Variants in PTCHD4 observed in about 807,000 individuals in gnomAD.
PTCHD4 encodes the protein patched domain containing 4, also known as patched domain-containing protein 4.
PTCHD4 carries 33 observed loss-of-function variants against 58.1 expected under a neutral mutation model. That is an observed-to-expected ratio of 0.57 (90% CI 0.43 to 0.76). PTCHD4 has a LOEUF of 0.76. Among genes scored for constraint, PTCHD4 ranks in the 30% least tolerant of loss-of-function variants. The pLI, the probability that PTCHD4 is intolerant of heterozygous loss-of-function variation, is 0.00. For missense variants in PTCHD4, 1,058 were observed against 1,027.1 expected, an observed-to-expected ratio of 1.03 and a Z score of -0.41; for synonymous variants, 478 against 409.6, an observed-to-expected ratio of 1.17 and a Z score of -2.02.
At chr6:47,990,617 C>T (rs1768248696) in intron 4 of PTCHD4, among the ~76,000 whole-genome samples, 1 of 152,166 alleles carries the variant, frequency 6.6e-6, no homozygotes, top group African/African-American at 2.4e-5. Flanking sequence ...CCTTTTCCCT[C>T]CCACCATGAT....
chr6:48,094,422 G>A (rs1765422692), intron 1 of PTCHD4, among the ~76,000 whole-genome samples: 1 of 152,168 alleles, frequency 6.6e-6, no homozygotes, highest in East Asian at 1.9e-4. Context: ...AGAGGATACA[G>A]GGTTACATTA....
Position 47,864,861 on chromosome 6 carries a change from A to G in PTCHD4, c.*13442T>C, listed in dbSNP as rs544761625. ...CTATGTGTAAGGATATGTTGTGAAA[A>G]TTACATTTTACATATATATCCATCT... On this transcript the variant is annotated 3_prime_UTR_variant, in exon 5 of 5. Coordinates refer to ENST00000339488, the MANE Select transcript of PTCHD4 (RefSeq NM_001384253.1). 1.1e-4 allele frequency among the ~76,000 whole-genome samples: 17 copies of G among 152,090 alleles called. No individual in the cohort carries two copies. The South Asian group carries it at 3.3e-3, about 30-fold the overall frequency.
intron 4 of PTCHD4, among the ~76,000 whole-genome samples, chr6:47,935,003 G>A (rs1765950151): frequency 6.6e-6 from 1 of 152,044 alleles, no homozygotes; most frequent in South Asian, 2.1e-4. Flanking sequence ...TAACAAAATA[G>A]GGTTGAAAAA....
intron 3 of PTCHD4, among the ~76,000 whole-genome samples, chr6:48,060,827 C>T (rs1419419565): frequency 1.3e-5 from 2 of 152,172 alleles, no homozygotes; most frequent in Non-Finnish European, 2.9e-5. Flanking sequence ...GAGGTCTCTC[C>T]ATGTTGGGAG....
Position 48,054,609 on chromosome 6 carries a change from A to G in PTCHD4, c.417+13621T>C, listed in dbSNP as rs538043688. Among the ~76,000 whole-genome samples the G allele has an allele frequency of 1.7e-4, 26 of 152,300 alleles. 1 individual carries two copies. The highest frequency in any genetic ancestry group is 6.3e-4 in the African/African-American group (26 of 41,588). On this transcript the variant is annotated intron_variant, in intron 3 of 4. Transcript: ENST00000339488. ...TTCAGTCCCAAAACACTGCCCCAGA[A>G]GTATTCTAAAGTTACCAATAAATGG...
At chr6:48,108,942 G>T (rs1765805206) in intron 1 of PTCHD4, among the ~76,000 whole-genome samples, 1 of 151,798 alleles carries the variant, frequency 6.6e-6, no homozygotes. Context: ...AAAGAAACAG[G>T]ACATAATTAC....
At chr6:47,949,229 G>A (rs1045043688) in intron 4 of PTCHD4, among the ~76,000 whole-genome samples, 5 of 152,144 alleles carry the variant, frequency 3.3e-5, no homozygotes, top group African/African-American at 9.7e-5. Flanking sequence ...TTGGATTGAT[G>A]AGTTGGAAGC....
chr6:47,956,744 T>C (rs1766877913), intron 4 of PTCHD4, among the ~76,000 whole-genome samples: 1 of 152,162 alleles, frequency 6.6e-6, no homozygotes. Context: ...AGAGTATGGT[T>C]TTTAAAAGCT....
intron 1 of PTCHD4, among the ~76,000 whole-genome samples, chr6:48,095,786 A>G (rs938008452): frequency 2.6e-5 from 4 of 151,426 alleles, no homozygotes; most frequent in Non-Finnish European, 4.4e-5. Context: ...CGAAGATGTG[A>G]GTGAAATTCA....
At chr6:47,919,276 G>A (rs966079186) in intron 4 of PTCHD4, among the ~76,000 whole-genome samples, 1 of 152,114 alleles carries the variant, frequency 6.6e-6, no homozygotes, top group African/African-American at 2.4e-5. Flanking sequence ...TGATGAATTT[G>A]ATGGAAAACA....
chr6:47,940,308 C>A (rs1766163450), intron 4 of PTCHD4, among the ~76,000 whole-genome samples: 1 of 151,254 alleles, frequency 6.6e-6, no homozygotes, highest in South Asian at 2.1e-4. Flanking sequence ...CTGCATTATG[C>A]CCCATGCAGT....
chr6:47,877,778 C>A lies in PTCHD4; in HGVS notation c.*525G>T, dbSNP rs751277762. Among the ~76,000 whole-genome samples, 1 of 152,002 alleles carries A rather than the reference C, an allele frequency of 6.6e-6. No individual in the cohort carries two copies. Among genetic ancestry groups the A allele is most frequent in the Non-Finnish European group, 1.5e-5 (1 of 67,962 alleles). On this transcript the variant is annotated 3_prime_UTR_variant, in exon 5 of 5. Coordinates refer to ENST00000339488, the MANE Select transcript of PTCHD4 (RefSeq NM_001384253.1). ...AGACAAAACTAAGTATATGTATATACGGGATATATACATATATATGTACAC... is the reference window on the plus strand; with the variant it reads ...AGACAAAACTAAGTATATGTATATAAGGGATATATACATATATATGTACAC...
chr6:48,060,758 A>G (rs2113868294), intron 3 of PTCHD4, among the ~76,000 whole-genome samples: 1 of 152,320 alleles, frequency 6.6e-6, no homozygotes, highest in Admixed American at 6.5e-5. Flanking sequence ...TGCAGGCGTG[A>G]GCCACCGTGC....
intron 3 of PTCHD4, among the ~76,000 whole-genome samples, chr6:48,061,951 C>G (rs1275303793): frequency 6.6e-6 from 1 of 152,072 alleles, no homozygotes; most frequent in Non-Finnish European, 1.5e-5. Flanking sequence ...TTGGGCAAAA[C>G]TAGGAGGTTG....
At position 47,856,688 on chromosome 6, in the gene PTCHD4, C is replaced by A. The variant is rs1217984697; in HGVS notation, c.*21615G>T. On this transcript the variant is annotated 3_prime_UTR_variant, in exon 5 of 5. Coordinates refer to ENST00000339488, the MANE Select transcript of PTCHD4 (RefSeq NM_001384253.1). ...CACACATTCATTTTCTTTGACAAAA[C>A]TTTAATTAGAAAACCAGACTCCTCT... Among the ~76,000 whole-genome samples, 1 of 152,006 alleles carries A rather than the reference C, an allele frequency of 6.6e-6. No individual in the cohort carries two copies. The highest frequency in any genetic ancestry group is 1.5e-5 in the Non-Finnish European group (1 of 67,982).
Position 47,872,596 on chromosome 6 carries a change from A to G in PTCHD4, c.*5707T>C, listed in dbSNP as rs1763746410. On this transcript the variant is annotated 3_prime_UTR_variant, in exon 5 of 5. Coordinates refer to ENST00000339488, the MANE Select transcript of PTCHD4 (RefSeq NM_001384253.1). ...TGATTTTTAAGATTTTATAATTACC[A>G]TGACCTGTGAGACCTTTCTTAAGGG... is the stretch of plus-strand genomic sequence containing the variant. 6.6e-6 allele frequency among the ~76,000 whole-genome samples: 1 copy of G among 151,654 alleles called. No homozygotes were observed. The highest frequency in any genetic ancestry group is 2.1e-4 in the South Asian group (1 of 4,826).
In PTCHD4 at chr6:47,857,070, A is replaced by C. The variant is rs1763324799; in HGVS notation, c.*21233T>G. 1.3e-5 allele frequency among the ~76,000 whole-genome samples: 2 copies of C among 152,086 alleles called. No individual in the cohort carries two copies. The highest frequency in any genetic ancestry group is 4.1e-4 in the South Asian group (2 of 4,836). Reference sequence around the variant, plus strand: ...CCCAGCCCAAATAATCTTTTAGAGAAAATTTAGACACAAGAAATCATATTA... The same window carrying C: ...CCCAGCCCAAATAATCTTTTAGAGACAATTTAGACACAAGAAATCATATTA... On this transcript the variant is annotated 3_prime_UTR_variant, in exon 5 of 5. Transcript: ENST00000339488.
chr6:47,956,109 T>C (rs1236772497), intron 4 of PTCHD4, among the ~76,000 whole-genome samples: 1 of 152,196 alleles, frequency 6.6e-6, no homozygotes. Flanking sequence ...GGAATATCCT[T>C]TTCATCAAGT....
At chr6:48,044,997 C>T (rs1763982784) in intron 3 of PTCHD4, among the ~76,000 whole-genome samples, 1 of 151,766 alleles carries the variant, frequency 6.6e-6, no homozygotes, top group Admixed American at 6.6e-5. Flanking sequence ...AGAATATGCC[C>T]CATTTCTTAT....
Sources: allele counts gnomAD v4.1 joint callset (sites outside exome capture counted in the v4.1 genomes callset), GRCh38; gene constraint gnomAD v4.1.1; transcripts MANE v1.5; gene names NCBI Gene and HGNC (gene_info 2026-07-23, HGNC 2026-07-21).